ZNF596: variants seen among roughly 807,000 people sequenced by gnomAD.
ZNF596 encodes the protein zinc finger protein 596.
ZNF596 carries 45 observed loss-of-function variants against 48.3 expected under a neutral mutation model. The observed-to-expected ratio is 0.93, with a 90% CI of 0.73 to 1.19. The LOEUF is 1.19. ZNF596 is among the 50% of genes most tolerant of loss of function. The pLI is 0.00. For missense variants in ZNF596, 848 were observed against 599.7 expected (o/e 1.41, Z -4.32); for synonymous variants, 270 against 202.0 (o/e 1.34, Z -2.85).
At chr8:233,918 C>T (rs1181765887) in intron 1 of ZNF596, among the ~76,000 whole-genome samples, 2 of 152,284 alleles carry the variant, frequency 1.3e-5, no homozygotes, top group East Asian at 3.9e-4. Context: ...GTATTAAGGT[C>T]ATGCCATTCC....
rs1797024142 is a variant in ZNF596 at position 245,378 on chromosome 8, C to G, written c.531C>G (p.Ile177Met). The G allele has an allele frequency of 6.2e-7, 1 of 1,614,160 alleles. No individual in the cohort carries two copies. ...YGSHLFDYAF[I>M]QNSALRPHSV... ...GTCATCTATTTGATTATGCCTTTAT[C>G]CAAAACTCTGCCCTTAGACCACACA... Residue 177 changes from isoleucine (I) to methionine (M), a missense_variant, in exon 6 of 6, where the codon ATC becomes ATG. Transcript: ENST00000398612.
chr8:245,545 C>T lies in ZNF596; in HGVS notation c.698C>T (p.Thr233Ile), dbSNP rs1290178624. ...HGCHLCGKAF[T>I]HCSDLRKHER... Reference sequence around the variant, plus strand: ...TGTCATCTATGTGGGAAAGCCTTTACTCATTGCTCTGATCTTCGAAAACAT... The same window carrying T: ...TGTCATCTATGTGGGAAAGCCTTTATTCATTGCTCTGATCTTCGAAAACAT... Residue 233 changes from threonine (T) to isoleucine (I), a missense_variant, in exon 6 of 6, where the codon ACT (threonine) becomes ATT (isoleucine). Thr to Ile is a moderately conservative substitution (Grantham distance 89). Transcript: ENST00000398612. 1.2e-6 allele frequency: 2 copies of T among 1,613,956 alleles called. No homozygotes were observed. Among genetic ancestry groups the T allele is most frequent in the South Asian group, 1.1e-5 (1 of 91,044 alleles).
In ZNF596 at chr8:247,210, T is replaced by A. The variant is rs1461831265; in HGVS notation, c.*848T>A. 6.6e-6 allele frequency: 1 copy of A among 152,046 alleles called. No individual in the cohort carries two copies. The highest frequency in any genetic ancestry group is 1.5e-5 in the Non-Finnish European group (1 of 68,020). The allele number at this position is 152,046 out of a possible 1,614,324, so 9.4% of individuals were successfully genotyped here. A position where few individuals can be genotyped will look rare whatever the true frequency, so the allele number is the denominator to read the frequency against. ...ATCAAGCACGTGCTTGAGAAAAAAA[T>A]TATAATTTTGAATAAAGACTTTCTA... On this transcript the variant is annotated 3_prime_UTR_variant, in exon 6 of 6. Transcript: ENST00000398612.
Position 245,325 on chromosome 8 carries a change from AT to A in ZNF596, c.480del (p.His161ThrfsTer27), listed in dbSNP as rs1274946746. On this transcript the variant is annotated frameshift_variant, in exon 6 of 6. Transcript: ENST00000398612. LOFTEE classifies it high-confidence loss of function. ...DWLSFNQHKEIHTKCKSYGSH... is the reference protein window; with the variant it reads ...DWLSFNQHKEXHTKCKSYGSH... ...GTTATCCTTTAATCAACACAAGGAA[AT>A]TCACACCAAATGTAAATCATATGGA... 2 of 1,614,016 alleles carry A rather than the reference AT, an allele frequency of 1.2e-6. No homozygotes were observed. Among genetic ancestry groups the A allele is most frequent in the African/African-American group, 1.3e-5 (1 of 74,950 alleles).
Position 245,630 on chromosome 8 carries a change from T to A in ZNF596, c.783T>A (p.Ser261Arg), listed in dbSNP as rs780304304. 17 of 1,613,440 alleles carry A rather than the reference T, an allele frequency of 1.1e-5. No individual in the cohort carries two copies. Residue 261 changes from serine (S) to arginine (R), a missense_variant, in exon 6 of 6, where the codon AGT becomes AGA. Coordinates refer to ENST00000398612, the MANE Select transcript of ZNF596 (RefSeq NM_001042416.3). The part of the protein sequence containing the change: ...YGCHLCGKAF[S>R]KSSNLRRHEM... ...GTCATCTATGTGGGAAAGCCTTCAG[T>A]AAAAGTTCTAACCTTAGACGACATG...
chr8:241,260 G>C (rs546053177), intron 2 of ZNF596, among the ~76,000 whole-genome samples: 3 of 152,218 alleles, frequency 2.0e-5, no homozygotes, highest in African/African-American at 7.2e-5. Flanking sequence ...GGGCTTGAGA[G>C]TATATGTGGG....
At chr8:238,424 G>C (rs780167714) in intron 1 of ZNF596, among the ~76,000 whole-genome samples, 2 of 151,932 alleles carry the variant, frequency 1.3e-5, no homozygotes, top group Non-Finnish European at 2.9e-5. Flanking sequence ...TGTGAGACTG[G>C]GAGATATTGC....
intron 1 of ZNF596, chr8:233,213 T>C: frequency 2.3e-6 from 1 of 432,768 alleles, no homozygotes; most frequent in Non-Finnish European, 4.8e-6. Context: ...TAAATGGAAA[T>C]AGACAAAATG....
rs751424005 is a variant in ZNF596 at position 246,154 on chromosome 8, G to A, written c.1307G>A (p.Arg436Gln). ...TTCAATCACTCTTCTGTCCTTAGAC[G>A]ACATGAGAGAACTCACACTGGAGAG... ...KAFNHSSVLR[R>Q]HERTHTGEKP... The change falls in exon 6 of 6, where the codon CGA (arginine) becomes CAA (glutamine). Residue 436 changes from arginine (R) to glutamine (Q), a missense_variant. By Grantham distance (43) the Arg-to-Gln change is conservative (BLOSUM62 1). Coordinates refer to ENST00000398612, the MANE Select transcript of ZNF596 (RefSeq NM_001042416.3). 17 of 1,612,968 alleles carry A rather than the reference G, an allele frequency of 1.1e-5. No homozygotes were observed. The highest frequency in any genetic ancestry group is 4.5e-5 in the East Asian group (2 of 44,786).
In ZNF596 at chr8:246,591, A is replaced by AT. The variant is rs1466318180; in HGVS notation, c.*230dup. The AT allele has an allele frequency of 6.7e-6, 3 of 445,642 alleles. No homozygotes were observed. The Admixed American group carries it at 1.2e-4, about 18-fold the overall frequency. The allele number at this position is 445,642 out of a possible 1,614,324, so 27.6% of individuals were successfully genotyped here. A position where few individuals can be genotyped will look rare whatever the true frequency, so the allele number is the denominator to read the frequency against. ...GAGAATGAAACTATAGATCAAAGGAATGTGGAGGAGTCTTCATCCACAGCT... is the reference window on the plus strand; with the variant it reads ...GAGAATGAAACTATAGATCAAAGGAATTGTGGAGGAGTCTTCATCCACAGCT... On this transcript the variant is annotated 3_prime_UTR_variant, in exon 6 of 6. Transcript: ENST00000398612.
In ZNF596 at chr8:244,192, A is replaced by G. The variant is rs535303884; in HGVS notation, c.223+387A>G. On this transcript the variant is annotated intron_variant, in intron 4 of 5. Transcript: ENST00000398612. ...GTCATGAACCACCACGCCCAGCCGG[A>G]AGGTTTCTTAAATTTGCAGTGTTTC... 508 of 211,092 alleles carry G rather than the reference A, an allele frequency of 2.4e-3. 4 individuals carry two copies. The highest frequency in any genetic ancestry group is 0.011 in the African/African-American group (484 of 42,274). 13.1% of individuals were successfully genotyped at this position (211,092 alleles called of 1,614,324 possible).
At chr8:236,432 C>T (rs1472045472) in intron 1 of ZNF596, among the ~76,000 whole-genome samples, 1 of 152,124 alleles carries the variant, frequency 6.6e-6, no homozygotes, top group Non-Finnish European at 1.5e-5. Flanking sequence ...TTTGGTCCCA[C>T]CTCAGGCATC....
intron 2 of ZNF596, 76 bp downstream of exon 2, chr8:240,983 A>C (rs781073030): frequency 1.2e-5 from 19 of 1,546,208 alleles, no homozygotes; most frequent in Non-Finnish European, 1.6e-5. Context: ...TCCTATTAAC[A>C]TGGATGTTCT....
At chr8:238,628 CAAAAAAAAAAAAAA>C (rs1167168569) in intron 1 of ZNF596, among the ~76,000 whole-genome samples, 36 of 39,860 alleles carry the variant, frequency 9.0e-4, no homozygotes, top group Admixed American at 2.9e-3. Context: ...TGGTGAAATA[CAAAAAAAAAAAAAA>C]AAAAAAAAAA....
chr8:238,628 C>CAAAAAAAAA (rs1167168569), intron 1 of ZNF596, among the ~76,000 whole-genome samples: 6 of 39,860 alleles, frequency 1.5e-4, no homozygotes, highest in African/African-American at 3.6e-4. Flanking sequence ...TGGTGAAATA[C>CAAAAAAAAA]AAAAAAAAAA....
chr8:243,693 A>C (rs1366172947), intron 3 of ZNF596, 29 bp from the exon 4 acceptor site: 1 of 1,610,622 alleles, frequency 6.2e-7, no homozygotes. Flanking sequence ...ACAGAACTCA[A>C]AATCCATGTA....
In ZNF596 at chr8:245,890, C is replaced by G. The variant is rs746012343; in HGVS notation, c.1043C>G (p.Ser348Cys). ...TGTGGAAAAGCCTTCTCTCATTGTT[C>G]TCACCTTAGACAACATGAGCGAAGT... is the stretch of plus-strand genomic sequence containing the variant. ...HLCGKAFSHC[S>C]HLRQHERSHN... The change falls in exon 6 of 6, where the codon TCT becomes TGT. Residue 348 changes from serine (S) to cysteine (C), a missense_variant. By Grantham distance (112) the Ser-to-Cys change is moderately radical. Transcript: ENST00000398612. The G allele has an allele frequency of 2.5e-6, 4 of 1,613,908 alleles. No individual in the cohort carries two copies. The highest frequency in any genetic ancestry group is 3.3e-5 in the Admixed American group (2 of 59,994).
At chr8:235,102 G>C (rs919411394) in intron 1 of ZNF596, among the ~76,000 whole-genome samples, 1 of 152,154 alleles carries the variant, frequency 6.6e-6, no homozygotes, top group Non-Finnish European at 1.5e-5. Flanking sequence ...GAAAATGATA[G>C]CTTTGACAAA....
Position 238,628 on chromosome 8 carries a change from C to CAAAAAA in ZNF596, c.-72-2172_-72-2167dup, listed in dbSNP as rs1167168569. 2.2e-3 allele frequency among the ~76,000 whole-genome samples: 86 copies of CAAAAAA among 39,844 alleles called. 3 individuals are homozygous for CAAAAAA. The highest frequency in any genetic ancestry group is 4.7e-3 in the African/African-American group (78 of 16,614). The allele number at this position is 39,844 out of a possible 152,430, so 26.1% of individuals were successfully genotyped here. A position where few individuals can be genotyped will look rare whatever the true frequency, so the allele number is the denominator to read the frequency against. ...TCAGCTTTGCCAACATGGTGAAATA[C>CAAAAAA]AAAAAAAAAAAAAAAAAAAAAAAAA... is the stretch of plus-strand genomic sequence containing the variant. On this transcript the variant is annotated intron_variant, in intron 1 of 5. Coordinates refer to ENST00000398612, the MANE Select transcript of ZNF596 (RefSeq NM_001042416.3).
Sources: allele counts gnomAD v4.1 joint callset (sites outside exome capture counted in the v4.1 genomes callset), GRCh38; gene constraint gnomAD v4.1.1; transcripts MANE v1.5; gene names NCBI Gene and HGNC (gene_info 2026-07-23, HGNC 2026-07-21).